Variants in FGF14 observed in about 807,000 individuals in gnomAD.
FGF14 encodes the protein fibroblast growth factor 14.
FGF14 carries 5 observed loss-of-function variants against 25.5 expected under a neutral mutation model. That is an observed-to-expected ratio of 0.20 (90% CI 0.10 to 0.41). The LOEUF (loss-of-function observed/expected upper bound fraction) is 0.41, where lower values mean the gene tolerates loss of function less well. Ranked by LOEUF, FGF14 falls within the 10% of genes least tolerant of loss-of-function variation. The pLI is 1.00. For missense variants in FGF14, 222 were observed against 320.1 expected, an observed-to-expected ratio of 0.69 and a Z score of 2.34; for synonymous variants, 138 against 118.3, an observed-to-expected ratio of 1.17 and a Z score of -1.08.
chr13:101,922,109 T>C (rs1466742263), intron 1 of FGF14, among the ~76,000 whole-genome samples: 2 of 152,190 alleles, frequency 1.3e-5, no homozygotes, highest in African/African-American at 2.4e-5. Flanking sequence ...ATTTGTGTAT[T>C]GAAAGGATTA....
At chr13:102,300,492 T>G (rs1336661) in intron 1 of FGF14, among the ~76,000 whole-genome samples, 89,800 of 151,914 alleles carry the variant, frequency 0.59, 27,380 homozygotes, top group African/African-American at 0.75. Context: ...AAGAAGTTAA[T>G]GCCAACCTCA....
intron 3 of FGF14, among the ~76,000 whole-genome samples, chr13:101,731,464 T>A (rs570656789): frequency 2.6e-5 from 4 of 152,158 alleles, no homozygotes; most frequent in Non-Finnish European, 5.9e-5. Context: ...AGTCATAGGA[T>A]AGAAAAATGC....
chr13:101,751,585 T>G (rs1382683124), intron 3 of FGF14, among the ~76,000 whole-genome samples: 1 of 152,038 alleles, frequency 6.6e-6, no homozygotes, highest in East Asian at 1.9e-4. Context: ...GAAGCAAAAA[T>G]GGAATCTCTA....
intron 1 of FGF14, among the ~76,000 whole-genome samples, chr13:101,932,533 C>CAAA (rs60522790): frequency 2.5e-5 from 2 of 79,072 alleles, no homozygotes; most frequent in Admixed American, 1.4e-4. Context: ...GACTCCATGT[C>CAAA]AAAAAAAAAA....
chr13:101,971,256 C>T (rs189681581), intron 1 of FGF14, among the ~76,000 whole-genome samples: 1 of 152,222 alleles, frequency 6.6e-6, no homozygotes, highest in Admixed American at 6.5e-5. Flanking sequence ...CTACATAACA[C>T]TTCTAAGTTT....
chr13:101,940,260 G>T (rs1445464754), intron 1 of FGF14, among the ~76,000 whole-genome samples: 1 of 152,216 alleles, frequency 6.6e-6, no homozygotes, highest in African/African-American at 2.4e-5. Flanking sequence ...TTTTAAAAGG[G>T]TGATCGGGAG....
At chr13:102,040,017 C>A (rs1260893019) in intron 1 of FGF14, among the ~76,000 whole-genome samples, 1 of 152,078 alleles carries the variant, frequency 6.6e-6, no homozygotes, top group Non-Finnish European at 1.5e-5. Context: ...CGTTCCAGGG[C>A]TCTAAAAGTC....
chr13:101,971,775 T>G (rs1446446781), intron 1 of FGF14, among the ~76,000 whole-genome samples: 1 of 152,242 alleles, frequency 6.6e-6, no homozygotes, highest in Non-Finnish European at 1.5e-5. Context: ...GTGTCAGAGT[T>G]GGTATCTGAC....
At chr13:102,373,971 T>C (rs1315034680) in intron 1 of FGF14, among the ~76,000 whole-genome samples, 1 of 152,020 alleles carries the variant, frequency 6.6e-6, no homozygotes, top group African/African-American at 2.4e-5. Flanking sequence ...GCCAACTCAT[T>C]CTAATATACA....
At chr13:102,280,387 G>A (rs938285113) in intron 1 of FGF14, among the ~76,000 whole-genome samples, 5 of 152,208 alleles carry the variant, frequency 3.3e-5, no homozygotes, top group Non-Finnish European at 5.9e-5. Context: ...AATGTTTTAT[G>A]TGAAAAACTG....
rs1566830928 is a variant in FGF14 at position 102,220,653 on chromosome 13, C to CT, written c.208+180817_208+180818insA. 3.9e-5 allele frequency among the ~76,000 whole-genome samples: 6 copies of CT among 152,268 alleles called. No individual in the cohort carries two copies. In the East Asian group the frequency reaches 1.2e-3, roughly 29 times the overall value. ...TTTAAAATAACAGAGTTTTTCAAGG[C>CT]ATTATATACATTTTTCAAAAGCACA... On this transcript the variant is annotated intron_variant, in intron 1 of 4. Transcript: ENST00000376131.
At chr13:101,822,668 G>C (rs1309376435) in intron 3 of FGF14, among the ~76,000 whole-genome samples, 1 of 152,216 alleles carries the variant, frequency 6.6e-6, no homozygotes, top group South Asian at 2.1e-4. Flanking sequence ...ATTGTGTAAC[G>C]ATCAAATCAG....
At position 102,021,356 on chromosome 13, in the gene FGF14, G is replaced by T. The variant is rs149843723; in HGVS notation, c.209-146060C>A. The stretch of plus-strand genomic sequence containing the variant: ...TCGTAAAAGAGAGTAAGTGCGTTGT[G>T]CTCTGGTGGGAGTGAAGTTCAAGGT... On this transcript the variant is annotated intron_variant, in intron 1 of 4. Coordinates refer to the FGF14 transcript ENST00000376131. Among the ~76,000 whole-genome samples, 60 of 152,176 alleles carry T rather than the reference G, an allele frequency of 3.9e-4. 1 individual carries two copies. In the Middle Eastern group the frequency reaches 0.017, roughly 43 times the overall value.
chr13:101,934,552 G>A (rs142864898), intron 1 of FGF14, among the ~76,000 whole-genome samples: 152 of 152,206 alleles, frequency 1.0e-3, no homozygotes, highest in East Asian at 7.3e-3. Context: ...AAAATTCATC[G>A]ATATGTTTAC....
At chr13:102,210,069 C>A (rs1362691090) in intron 1 of FGF14, among the ~76,000 whole-genome samples, 3 of 151,428 alleles carry the variant, frequency 2.0e-5, no homozygotes, top group Non-Finnish European at 4.4e-5. Context: ...CATTTTAAAA[C>A]AAATATAGTT....
intron 1 of FGF14, among the ~76,000 whole-genome samples, chr13:102,387,209 C>T (rs534255205): frequency 1.4e-3 from 213 of 152,318 alleles, no homozygotes; most frequent in South Asian, 9.9e-3. Context: ...AGTTACCTTC[C>T]TTAAAATATC....
intron 3 of FGF14, among the ~76,000 whole-genome samples, chr13:101,740,019 C>G (rs1379559711): frequency 1.3e-5 from 2 of 152,222 alleles, no homozygotes; most frequent in African/African-American, 4.8e-5. Context: ...CTGCTCTGTT[C>G]TGTTTCACTC....
intron 1 of FGF14, among the ~76,000 whole-genome samples, chr13:102,151,185 G>A (rs2047068009): frequency 6.6e-6 from 1 of 152,082 alleles, no homozygotes; most frequent in Non-Finnish European, 1.5e-5. Flanking sequence ...GGTCAGCAGG[G>A]GGCTAACTTA....
intron 1 of FGF14, among the ~76,000 whole-genome samples, chr13:102,068,809 C>T (rs191349404): frequency 6.6e-6 from 1 of 152,232 alleles, no homozygotes; most frequent in Non-Finnish European, 1.5e-5. Context: ...CACCACCCCC[C>T]TGCTCCAAGG....
Sources: gnomAD v4.1 joint callset for allele counts (sites outside exome capture counted in the v4.1 genomes callset) on GRCh38, gnomAD v4.1.1 for gene constraint, MANE v1.5 for transcripts, NCBI Gene and HGNC (gene_info 2026-07-23, HGNC 2026-07-21) for gene names.